TNFAIP8: variants seen among roughly 807,000 people sequenced by gnomAD.
The protein encoded by TNFAIP8 is TNF alpha induced protein 8, also known as tumor necrosis factor alpha-induced protein 8.
In TNFAIP8, 7 loss-of-function variants were observed where a neutral mutation model predicts 13.3. The ratio of observed to expected loss-of-function variants is 0.52; its 90% CI spans 0.30 to 0.99. The LOEUF (loss-of-function observed/expected upper bound fraction) is 0.99, where lower values mean the gene tolerates loss of function less well. TNFAIP8 is among the 50% of genes least tolerant of loss of function. TNFAIP8 has a pLI of 0.07. For synonymous variants in TNFAIP8, 94 were observed against 87.6 expected, an observed-to-expected ratio of 1.07 and a Z score of -0.41; for missense variants, 258 against 236.9, an observed-to-expected ratio of 1.09 and a Z score of -0.58.
At chr5:119,312,519 T>G (rs1424884605) in intron 1 of TNFAIP8, among the ~76,000 whole-genome samples, 1 of 152,102 alleles carries the variant, frequency 6.6e-6, no homozygotes, top group East Asian at 1.9e-4. Flanking sequence ...GTTAAGAGGC[T>G]TAATGACATA....
At chr5:119,372,956 A>C (rs1477540464) in intron 1 of TNFAIP8, among the ~76,000 whole-genome samples, 2 of 152,246 alleles carry the variant, frequency 1.3e-5, no homozygotes, top group Non-Finnish European at 2.9e-5. Flanking sequence ...TTGAGACTCC[A>C]TCTCAAAAAT....
chr5:119,388,561 G>A (rs577054377), intron 1 of TNFAIP8, among the ~76,000 whole-genome samples: 65 of 152,298 alleles, frequency 4.3e-4, no homozygotes, highest in South Asian at 8.3e-4. Flanking sequence ...AAAAATGTAG[G>A]CAAATGAAGA....
At chr5:119,387,666 A>T (rs55933899) in intron 1 of TNFAIP8, among the ~76,000 whole-genome samples, 1 of 152,122 alleles carries the variant, frequency 6.6e-6, no homozygotes, top group Non-Finnish European at 1.5e-5. Flanking sequence ...AGTATATTTT[A>T]ACCATATTTA....
intron 1 of TNFAIP8, among the ~76,000 whole-genome samples, chr5:119,374,028 T>C (rs912482896): frequency 2.0e-5 from 3 of 152,300 alleles, no homozygotes; most frequent in South Asian, 2.1e-4. Flanking sequence ...TTTAATGATA[T>C]ATTTAGGGGA....
chr5:119,282,653 C>G (rs1748667083), intron 1 of TNFAIP8, among the ~76,000 whole-genome samples: 1 of 152,244 alleles, frequency 6.6e-6, no homozygotes, highest in South Asian at 2.1e-4. Context: ...ACACCCTGAT[C>G]TGTTCCTTCC....
At chr5:119,355,564 C>G (rs1016349710), upstream of TNFAIP8, 4 of 572,366 alleles carry the variant, frequency 7.0e-6, no homozygotes, top group Non-Finnish European at 1.2e-5. Context: ...TTGCAAGACT[C>G]CAAGACAAAG....
intron 1 of TNFAIP8, among the ~76,000 whole-genome samples, chr5:119,295,192 ACG>A (rs1377910578): frequency 0.015 from 435 of 28,720 alleles, 16 homozygotes; most frequent in Admixed American, 0.11. Context: ...GTTTAGTCTA[ACG>A]TTAGACCTAT....
chr5:119,353,034 G>A (rs557461348), upstream of TNFAIP8, among the ~76,000 whole-genome samples: 21 of 152,284 alleles, frequency 1.4e-4, no homozygotes, highest in African/African-American at 4.1e-4. Context: ...ACTTGCAGGA[G>A]TTCAACATAG....
chr5:119,351,791 T>TC (rs972495768), upstream of TNFAIP8, among the ~76,000 whole-genome samples: 18 of 143,852 alleles, frequency 1.3e-4, 1 homozygote, highest in African/African-American at 4.6e-4. Context: ...TCTTTTTCTT[T>TC]TTTTCTTTTT....
At chr5:119,302,184 C>G (rs1237424881) in intron 1 of TNFAIP8, among the ~76,000 whole-genome samples, 1 of 152,198 alleles carries the variant, frequency 6.6e-6, no homozygotes, top group East Asian at 1.9e-4. Flanking sequence ...TGAACTTGAC[C>G]TTCAAACCAC....
At position 119,383,271 on chromosome 5, in the gene TNFAIP8, G is replaced by T. The variant is rs535525937; in HGVS notation, c.32-9545G>T. 2.0e-5 allele frequency among the ~76,000 whole-genome samples: 3 copies of T among 152,270 alleles called. No homozygotes were observed. In the South Asian group the frequency reaches 6.2e-4, roughly 32 times the overall value. ...ACACTTTCTTATTTAGTCATAAATA[G>T]GGTGACCACTTACATTCTGGGTCAG... On this transcript the variant is annotated intron_variant, in intron 1 of 1. Coordinates refer to ENST00000504771, the MANE Select transcript of TNFAIP8 (RefSeq NM_014350.4).
chr5:119,365,466 A>G (rs550632583), intron 1 of TNFAIP8, among the ~76,000 whole-genome samples: 3 of 152,334 alleles, frequency 2.0e-5, no homozygotes, highest in Admixed American at 6.5e-5. Context: ...ATGTTAGTGT[A>G]AAGCTCAGTG....
chr5:119,357,119 T>C (rs1751456814), intron 1 of TNFAIP8, among the ~76,000 whole-genome samples: 1 of 152,230 alleles, frequency 6.6e-6, no homozygotes, highest in Admixed American at 6.5e-5. Flanking sequence ...TTCTGCCTTT[T>C]ACTGATTCCC....
intron 1 of TNFAIP8, among the ~76,000 whole-genome samples, chr5:119,295,155 T>C (rs1023665899): frequency 8.0e-5 from 12 of 150,602 alleles, no homozygotes; most frequent in Non-Finnish European, 1.5e-4. Context: ...GGTTTTCTTC[T>C]AGGGATTTTA....
At chr5:119,290,558 A>G (rs1271169523) in intron 1 of TNFAIP8, among the ~76,000 whole-genome samples, 1 of 152,192 alleles carries the variant, frequency 6.6e-6, no homozygotes, top group African/African-American at 2.4e-5. Context: ...CCTATGATCA[A>G]GCTTTGCTTG....
upstream of TNFAIP8, chr5:119,355,655 C>G: frequency 2.3e-6 from 1 of 432,524 alleles, no homozygotes; most frequent in East Asian, 3.8e-5. Context: ...TTATGTAAAA[C>G]TACAGTGTGC....
At chr5:119,356,172 G>A in intron 1 of TNFAIP8, 51 bp downstream of exon 1, 1 of 1,505,004 alleles carries the variant, frequency 6.6e-7, no homozygotes, top group Non-Finnish European at 9.0e-7. Context: ...GGAGGAATTT[G>A]GAGGAAGGCA....
intron 1 of TNFAIP8, among the ~76,000 whole-genome samples, chr5:119,331,757 A>C (rs1021396050): frequency 2.0e-5 from 3 of 152,108 alleles, no homozygotes; most frequent in Admixed American, 2.0e-4. Flanking sequence ...ATCCTCCCCT[A>C]GCAGAACTGG....
At chr5:119,301,010 G>A (rs1416853627) in intron 1 of TNFAIP8, among the ~76,000 whole-genome samples, 2 of 152,094 alleles carry the variant, frequency 1.3e-5, no homozygotes, top group African/African-American at 4.8e-5. Context: ...TTGATTTGAA[G>A]GTAGTGGAAA....
Sources: gnomAD v4.1 joint callset for allele counts (sites outside exome capture counted in the v4.1 genomes callset) on GRCh38, gnomAD v4.1.1 for gene constraint, MANE v1.5 for transcripts, NCBI Gene and HGNC (gene_info 2026-07-23, HGNC 2026-07-21) for gene names.